DENND2D: variants seen among roughly 807,000 people sequenced by gnomAD.
DENND2D encodes DENN domain containing 2D, also known as DENN domain-containing protein 2D.
Under a neutral mutation model 59.8 loss-of-function variants are expected in DENND2D, and 37 were observed. The observed-to-expected ratio is 0.62, with a 90% CI of 0.48 to 0.81. DENND2D has a LOEUF of 0.81. DENND2D is among the 40% of genes least tolerant of loss of function. DENND2D has a pLI of 0.00. For missense variants in DENND2D, 525 were observed against 579.7 expected (o/e 0.91, Z 0.97); for synonymous variants, 219 against 211.3 (o/e 1.04, Z -0.31).
intron 1 of DENND2D, chr1:111,200,154 G>T: frequency 1.7e-6 from 1 of 593,032 alleles, no homozygotes; most frequent in Non-Finnish European, 2.9e-6. Context: ...TGAGAGTTTA[G>T]TTCATACTAA....
At chr1:111,204,219 GGCCCCAGCCGCCA>G (rs917646329), upstream of DENND2D, 59 of 1,385,370 alleles carry the variant, frequency 4.3e-5, no homozygotes, top group Non-Finnish European at 5.1e-5. Context: ...CCCTCCACCG[GGCCCCAGCCGCCA>G]GCCCTAGCCC....
chr1:111,198,750 G>T lies in DENND2D; in HGVS notation c.244-8C>A, dbSNP rs761062864. On this transcript the variant is annotated splice_region_variant and splice_polypyrimidine_tract_variant and intron_variant, in intron 2 of 11. Transcript: ENST00000357640. Reference sequence around the variant, plus strand: ...CCGAAGCAGGTTCTCCCGCTATAAGGCAAAGGAAAAGACAAGTGGATGTGA... The same window carrying T: ...CCGAAGCAGGTTCTCCCGCTATAAGTCAAAGGAAAAGACAAGTGGATGTGA... 1.2e-6 allele frequency: 2 copies of T among 1,613,954 alleles called. No homozygotes were observed. Among genetic ancestry groups the T allele is most frequent in the South Asian group, 2.2e-5 (2 of 91,086 alleles).
chr1:111,197,801 C>CT (rs1658390157), intron 4 of DENND2D, 119 bp downstream of exon 4: 1 of 1,523,572 alleles, frequency 6.6e-7, no homozygotes, highest in South Asian at 1.2e-5. Flanking sequence ...CTGGGCTGTG[C>CT]TTTTTCTACA....
intron 9 of DENND2D, 97 bp from the exon 10 acceptor site, chr1:111,188,883 C>T (rs927472996): frequency 3.9e-6 from 4 of 1,023,740 alleles, no homozygotes; most frequent in Non-Finnish European, 6.1e-6. Flanking sequence ...TCTACACCCC[C>T]ACTCCACCCG....
At position 111,188,832 on chromosome 1, in the gene DENND2D, A is replaced by T. The variant is rs1289955407; in HGVS notation, c.1015-46T>A. Reference sequence around the variant, plus strand: ...GAGGTCAAGCAGGAAGGAAGTGTGGAGTGAAGGTGGTTGGCAGAAAAGCAT... The same window carrying T: ...GAGGTCAAGCAGGAAGGAAGTGTGGTGTGAAGGTGGTTGGCAGAAAAGCAT... On this transcript the variant is annotated intron_variant, in intron 9 of 11. Coordinates refer to ENST00000357640, the MANE Select transcript of DENND2D (RefSeq NM_024901.5). 4.5e-6 allele frequency: 7 copies of T among 1,560,138 alleles called. No homozygotes were observed. The South Asian group carries it at 7.8e-5, about 17-fold the overall frequency.
chr1:111,198,323 G>C (rs149419950), intron 3 of DENND2D, among the ~76,000 whole-genome samples: 1 of 152,142 alleles, frequency 6.6e-6, no homozygotes, highest in Non-Finnish European at 1.5e-5. Flanking sequence ...TTGCTACGTC[G>C]CCTTCTTGGA....
At chr1:111,192,862 C>T (rs971553343) in intron 7 of DENND2D, among the ~76,000 whole-genome samples, 1 of 152,182 alleles carries the variant, frequency 6.6e-6, no homozygotes, top group African/African-American at 2.4e-5. Context: ...CCCACACAGC[C>T]CCCTCTGGGC....
chr1:111,189,097 C>T, intron 9 of DENND2D, 115 bp downstream of exon 9: 1 of 1,248,544 alleles, frequency 8.0e-7, no homozygotes, highest in Non-Finnish European at 1.1e-6. Context: ...CTTTTTAGCA[C>T]AGATTCTCAC....
At chr1:111,202,808 T>G (rs892365319), upstream of DENND2D, among the ~76,000 whole-genome samples, 1 of 151,842 alleles carries the variant, frequency 6.6e-6, no homozygotes, top group Non-Finnish European at 1.5e-5. Context: ...GAGGATGGTA[T>G]GGAAGATGAA....
At position 111,188,285 on chromosome 1, in the gene DENND2D, C is replaced by T. The variant is rs1177274286; in HGVS notation, c.1185G>A (p.Lys395=). ...KIVGHYASYI[K]REANGQGHFQ... ...AGTGGCCTTGCCCATTTGCCTCCCG[C>T]TTGATATAGGAAGCATAATGGCCCA... Residue 395 remains lysine, a synonymous_variant, in exon 11 of 12, where the codon AAG becomes AAA. Coordinates refer to ENST00000357640, the MANE Select transcript of DENND2D (RefSeq NM_024901.5). The T allele has an allele frequency of 2.5e-6, 4 of 1,614,032 alleles. No individual in the cohort carries two copies. The highest frequency in any genetic ancestry group is 3.4e-6 in the Non-Finnish European group (4 of 1,180,030).
In DENND2D at chr1:111,187,373, G is replaced by A. The variant is rs562076867; in HGVS notation, c.*232C>T. ...TACCTGTGTCACCTCTGCAAAAAAT[G>A]GAGCTCTGAGCCCAGTTCTGTGAGC... On this transcript the variant is annotated 3_prime_UTR_variant, in exon 12 of 12. Transcript: ENST00000357640. 1 of 528,524 alleles carries A rather than the reference G, an allele frequency of 1.9e-6. No individual in the cohort carries two copies. The highest frequency in any genetic ancestry group is 3.1e-5 in the Admixed American group (1 of 31,932). The allele number at this position is 528,524 out of a possible 1,614,324, so 32.7% of individuals were successfully genotyped here. A position where few individuals can be genotyped will look rare whatever the true frequency, so the allele number is the denominator to read the frequency against.
chr1:111,188,631 C>T (rs1657446139), intron 10 of DENND2D, 71 bp downstream of exon 10: 2 of 1,416,934 alleles, frequency 1.4e-6, no homozygotes, highest in Non-Finnish European at 2.0e-6. Context: ...CATTTTAGTT[C>T]TGGAAGGGAA....
Position 111,197,935 on chromosome 1 carries a change from G to T in DENND2D, c.411C>A (p.Tyr137Ter), listed in dbSNP as rs769803035. The T allele has an allele frequency of 5.6e-6, 9 of 1,613,956 alleles. No homozygotes were observed. Among genetic ancestry groups the T allele is most frequent in the Non-Finnish European group, 7.6e-6 (9 of 1,180,038 alleles). ...CTGCACAGACCAAGAGGCGCCTGCA[G>T]TATCCAATCTTTCTGCTCCCATCCA... ...TNVDGSRKIGYCRRLLPAGPG... is the reference protein window; with the variant it reads ...TNVDGSRKIG The change falls in exon 4 of 12, where the codon TAC (tyrosine) becomes TAA (stop). Residue 137 changes from tyrosine (Y) to a stop codon, truncating the protein, a stop_gained. Coordinates refer to ENST00000357640, the MANE Select transcript of DENND2D (RefSeq NM_024901.5). LOFTEE classifies it high-confidence loss of function.
intron 7 of DENND2D, among the ~76,000 whole-genome samples, chr1:111,192,878 C>T (rs1034524210): frequency 6.6e-6 from 1 of 152,184 alleles, no homozygotes; most frequent in Non-Finnish European, 1.5e-5. Flanking sequence ...TGGGCACACT[C>T]GAGGTTATTA....
In DENND2D at chr1:111,199,697, G is replaced by T. The variant is rs200063706; in HGVS notation, c.169C>A (p.Leu57Ile). ...TTCTTTTTGAGAGAAACCACAAGAA[G>T]GTATTCAAAGAAGTGCTGCCCCCCA... ...FAGGQHFFEY[L>I]LVVSLKKKRS... Residue 57 changes from leucine (L) to isoleucine (I), a missense_variant, in exon 2 of 12, where the codon CTT (leucine) becomes ATT (isoleucine). Leu to Ile is a conservative substitution (Grantham distance 5). Coordinates refer to ENST00000357640, the MANE Select transcript of DENND2D (RefSeq NM_024901.5). 2 of 1,614,182 alleles carry T rather than the reference G, an allele frequency of 1.2e-6. No homozygotes were observed. The highest frequency in any genetic ancestry group is 2.7e-5 in the African/African-American group (2 of 75,036).
chr1:111,187,992 T>C, intron 11 of DENND2D, 139 bp downstream of exon 11: 3 of 1,293,164 alleles, frequency 2.3e-6, no homozygotes, highest in Admixed American at 2.7e-5. Context: ...TTTCAGGTTA[T>C]GTCATTTCAA....
intron 3 of DENND2D, 113 bp from the exon 4 acceptor site, chr1:111,198,102 C>G: frequency 1.0e-6 from 1 of 987,888 alleles, no homozygotes; most frequent in East Asian, 2.6e-5. Flanking sequence ...TGATTAATCA[C>G]AGGAGTAAGG....
chr1:111,193,440 G>A (rs573341851), intron 7 of DENND2D, among the ~76,000 whole-genome samples: 3 of 152,190 alleles, frequency 2.0e-5, no homozygotes, highest in Non-Finnish European at 4.4e-5. Flanking sequence ...AGGAATTTCT[G>A]GTTTCCATTC....
At chr1:111,200,648 A>T, upstream of DENND2D, 1 of 1,379,032 alleles carries the variant, frequency 7.3e-7, no homozygotes, top group Non-Finnish European at 9.5e-7. Context: ...GAAGGATGTG[A>T]CGGGACCCAG....
Sources: allele counts gnomAD v4.1 joint callset (sites outside exome capture counted in the v4.1 genomes callset), GRCh38; gene constraint gnomAD v4.1.1; transcripts MANE v1.5; gene names NCBI Gene and HGNC (gene_info 2026-07-23, HGNC 2026-07-21).